Variants in RBBP7 observed in about 807,000 individuals in gnomAD.
RBBP7 encodes the protein RB binding protein 7, chromatin remodeling factor, also known as histone-binding protein RBBP7.
RBBP7 carries 5 observed loss-of-function variants against 35.2 expected under a neutral mutation model. That is an observed-to-expected ratio of 0.14 (90% CI 0.07 to 0.30). The LOEUF is 0.30. Among genes scored for constraint, RBBP7 ranks in the 10% least tolerant of loss-of-function variants. RBBP7 has a pLI of 1.00. For synonymous variants in RBBP7, 140 were observed against 118.7 expected (o/e 1.18, Z -1.17); for missense variants, 155 against 327.5 (o/e 0.47, Z 4.07).
chrX:16,861,372 A>G (rs1265797482), intron 3 of RBBP7, among the ~76,000 whole-genome samples: 3 of 111,751 alleles, frequency 2.7e-5, no homozygotes, highest in Non-Finnish European at 5.6e-5. Flanking sequence ...TATTTTTGAG[A>G]CAGGATCTTG....
intron 2 of RBBP7, among the ~76,000 whole-genome samples, chrX:16,866,706 T>C (rs1178330916): frequency 9.1e-6 from 1 of 110,401 alleles, no homozygotes; most frequent in Non-Finnish European, 1.9e-5. Context: ...GAAAGGCCTA[T>C]GAGGTGGAGT....
At position 16,870,327 on chromosome X, in the gene RBBP7, G is replaced by T; in HGVS notation, c.-274C>A. On this transcript the variant is annotated 5_prime_UTR_variant, in exon 1 of 12. Coordinates refer to ENST00000380087, the MANE Select transcript of RBBP7 (RefSeq NM_002893.4). ...AACCCGCGCCTCCCAGCCCGCCCAG[G>T]CAGCTGAGCGCAGGCGCATCCGCCC... 5.2e-6 allele frequency: 1 copy of T among 190,547 alleles called. No homozygotes were observed. The highest frequency in any genetic ancestry group is 1.2e-4 in the East Asian group (1 of 8,352). 15.7% of individuals were successfully genotyped at this position (190,547 alleles called of 1,213,427 possible). A position where few individuals can be genotyped will look rare whatever the true frequency, so the allele number is the denominator to read the frequency against.
At chrX:16,854,917 T>C (rs902237300) in intron 5 of RBBP7, among the ~76,000 whole-genome samples, 4 of 109,505 alleles carry the variant, frequency 3.7e-5, no homozygotes, top group Non-Finnish European at 7.6e-5. Flanking sequence ...TCTCATTCAA[T>C]AGTTAATAAG....
intron 7 of RBBP7, 60 bp from the exon 8 acceptor site, chrX:16,852,688 C>G: frequency 8.3e-7 from 1 of 1,207,671 alleles, no homozygotes. Flanking sequence ...TTTCAAATAT[C>G]TGATTAAGGC....
chrX:16,852,168 G>A, intron 8 of RBBP7, 46 bp from the exon 9 acceptor site: 1 of 1,030,447 alleles, frequency 9.7e-7, no homozygotes. Context: ...ATCATCCGCT[G>A]CTAGGTTTGT....
chrX:16,856,483 T>C (rs1302729329), intron 5 of RBBP7, among the ~76,000 whole-genome samples: 1 of 110,053 alleles, frequency 9.1e-6, no homozygotes, highest in Admixed American at 9.7e-5. Flanking sequence ...TGAGCTGAGA[T>C]CGTGCCACTA....
chrX:16,869,853 G>C (rs1461635559), intron 1 of RBBP7, 185 bp downstream of exon 1: 1 of 857,122 alleles, frequency 1.2e-6, no homozygotes, highest in Non-Finnish European at 1.4e-6. Context: ...CTCCGGAAGT[G>C]CTCGGAGCCC....
intron 2 of RBBP7, among the ~76,000 whole-genome samples, chrX:16,868,303 A>C (rs372735672): frequency 5.8e-4 from 65 of 112,390 alleles, no homozygotes; most frequent in African/African-American, 2.1e-3. Context: ...AAAAGGTGCA[A>C]GTGAATGAGA....
intron 1 of RBBP7, chrX:16,869,531 G>C: frequency 1.7e-6 from 2 of 1,166,865 alleles, no homozygotes; most frequent in Non-Finnish European, 2.3e-6. Flanking sequence ...CAGGGGCTGC[G>C]CGACCCAGTC....
intron 9 of RBBP7, among the ~76,000 whole-genome samples, chrX:16,851,578 C>A (rs1930214889): frequency 9.0e-6 from 1 of 111,725 alleles, no homozygotes; most frequent in African/African-American, 3.3e-5. Context: ...TGTCCTTGTC[C>A]CCTTCACAAA....
chrX:16,849,091 T>C, intron 10 of RBBP7, 153 bp downstream of exon 10: 1 of 406,173 alleles, frequency 2.5e-6, no homozygotes, highest in South Asian at 6.6e-5. Flanking sequence ...TTTTGATAAA[T>C]GTCAAAGCCC....
intron 2 of RBBP7, 126 bp from the exon 3 acceptor site, chrX:16,863,226 G>T: frequency 1.5e-6 from 1 of 651,429 alleles, no homozygotes; most frequent in Non-Finnish European, 2.3e-6. Flanking sequence ...CATCAACTGT[G>T]TATCTTCTCC....
At chrX:16,865,588 CCTAAA>C (rs1039331080) in intron 2 of RBBP7, among the ~76,000 whole-genome samples, 4 of 111,929 alleles carry the variant, frequency 3.6e-5, no homozygotes, top group African/African-American at 1.3e-4. Context: ...AGCCTGTTTT[CCTAAA>C]CTAATCAATA....
chrX:16,860,720 A>G (rs1392074670), intron 3 of RBBP7, among the ~76,000 whole-genome samples: 1 of 110,621 alleles, frequency 9.0e-6, no homozygotes, highest in Non-Finnish European at 1.9e-5. Context: ...TATATACTGA[A>G]TATTAACAAA....
At chrX:16,855,696 C>T (rs1364082361) in intron 5 of RBBP7, among the ~76,000 whole-genome samples, 1 of 110,821 alleles carries the variant, frequency 9.0e-6, no homozygotes, top group Non-Finnish European at 1.9e-5. Context: ...CTTGGGAAAC[C>T]GTCTCATACA....
At chrX:16,865,188 C>G (rs1380811920) in intron 2 of RBBP7, among the ~76,000 whole-genome samples, 3 of 109,767 alleles carry the variant, frequency 2.7e-5, no homozygotes, top group African/African-American at 9.9e-5. Flanking sequence ...ACTTCGAGAC[C>G]AGCCTGGGCA....
chrX:16,859,984 G>A (rs1251834496), intron 3 of RBBP7, among the ~76,000 whole-genome samples: 1 of 110,605 alleles, frequency 9.0e-6, no homozygotes, highest in African/African-American at 3.3e-5. Flanking sequence ...TCAAATCCAC[G>A]ATTACTCCAA....
At chrX:16,860,557 G>A (rs1179800648) in intron 3 of RBBP7, among the ~76,000 whole-genome samples, 6 of 108,397 alleles carry the variant, frequency 5.5e-5, no homozygotes, top group Admixed American at 9.9e-5. Flanking sequence ...GTGTGGTGGC[G>A]GGCGCCTGTA....
At chrX:16,857,812 G>A (rs767796862) in intron 4 of RBBP7, 103 bp from the exon 5 acceptor site, 55 of 1,070,625 alleles carry the variant, frequency 5.1e-5, no homozygotes, top group Non-Finnish European at 5.9e-5. Context: ...AACTGCACAC[G>A]AACGAGATCT....
Sources: gnomAD v4.1 joint callset for allele counts (sites outside exome capture counted in the v4.1 genomes callset) on GRCh38, gnomAD v4.1.1 for gene constraint, MANE v1.5 for transcripts, NCBI Gene and HGNC (gene_info 2026-07-23, HGNC 2026-07-21) for gene names.